The following ITGA9 variants were observed in gnomAD, a reference collection of about 807,000 sequenced individuals.
The protein encoded by ITGA9 is integrin subunit alpha 9, also known as integrin alpha-9.
In ITGA9, 56 loss-of-function variants were observed where a neutral mutation model predicts 127.8. That is an observed-to-expected ratio of 0.44 (90% CI 0.35 to 0.55). The LOEUF (loss-of-function observed/expected upper bound fraction) is 0.55, where lower values mean the gene tolerates loss of function less well. Ranked by LOEUF, ITGA9 falls within the 20% of genes least tolerant of loss-of-function variation. The pLI, the probability that ITGA9 is intolerant of heterozygous loss-of-function variation, is 0.00. For missense variants in ITGA9, 1,196 were observed against 1,347.1 expected (o/e 0.89, Z 1.76); for synonymous variants, 508 against 514.5 (o/e 0.99, Z 0.17).
At chr3:37,666,868 T>G (rs1158940818) in intron 17 of ITGA9, among the ~76,000 whole-genome samples, 1 of 152,172 alleles carries the variant, frequency 6.6e-6, no homozygotes, top group East Asian at 1.9e-4. Flanking sequence ...GAAACGTACC[T>G]CTTGGAATGA....
chr3:37,743,601 C>T (rs1242882424), intron 21 of ITGA9, among the ~76,000 whole-genome samples: 1 of 152,180 alleles, frequency 6.6e-6, no homozygotes, highest in Non-Finnish European at 1.5e-5. Flanking sequence ...ACCCATAAAA[C>T]ATTTTTCGAA....
chr3:37,768,604 C>T (rs1425612251), intron 23 of ITGA9, among the ~76,000 whole-genome samples: 1 of 151,988 alleles, frequency 6.6e-6, no homozygotes, highest in South Asian at 2.1e-4. Context: ...ACCCGGTTGC[C>T]GTCAGCTGCG....
intron 4 of ITGA9, among the ~76,000 whole-genome samples, chr3:37,489,950 G>C (rs1173583673): frequency 6.6e-6 from 1 of 152,204 alleles, no homozygotes; most frequent in Non-Finnish European, 1.5e-5. Context: ...TCTTATTCCT[G>C]TTGCAGGTAG....
chr3:37,708,976 C>G (rs187878980), intron 18 of ITGA9, among the ~76,000 whole-genome samples: 3 of 151,608 alleles, frequency 2.0e-5, no homozygotes, highest in Admixed American at 6.6e-5. Flanking sequence ...TGCTCCCATC[C>G]CAGCACCACT....
At chr3:37,679,323 C>T (rs1026310207) in intron 17 of ITGA9, among the ~76,000 whole-genome samples, 8 of 152,090 alleles carry the variant, frequency 5.3e-5, no homozygotes, top group African/African-American at 1.9e-4. Flanking sequence ...TATGCTTGAT[C>T]GTTTTACTAT....
chr3:37,622,705 C>T (rs926275361), intron 15 of ITGA9, among the ~76,000 whole-genome samples: 21 of 151,876 alleles, frequency 1.4e-4, no homozygotes, highest in Admixed American at 3.9e-4. Context: ...ATTAGCTGGG[C>T]GTGGTGGTGT....
intron 15 of ITGA9, among the ~76,000 whole-genome samples, chr3:37,551,654 C>T (rs978483617): frequency 6.6e-6 from 1 of 152,202 alleles, no homozygotes; most frequent in Non-Finnish European, 1.5e-5. Flanking sequence ...TTGGAGAATT[C>T]TCTGTTCCAA....
At chr3:37,628,411 T>C (rs1700197924) in intron 15 of ITGA9, among the ~76,000 whole-genome samples, 1 of 152,180 alleles carries the variant, frequency 6.6e-6, no homozygotes, top group African/African-American at 2.4e-5. Flanking sequence ...GCTCCAGGGC[T>C]GAACAGATGT....
Position 37,506,025 on chromosome 3 carries a change from C to T in ITGA9, c.768C>T (p.Phe256=), listed in dbSNP as rs1346117406. The T allele has an allele frequency of 6.2e-7, 1 of 1,609,450 alleles. No individual in the cohort carries two copies. Among genetic ancestry groups the T allele is most frequent in the Non-Finnish European group, 8.5e-7 (1 of 1,178,112 alleles). Residue 256 remains phenylalanine, a synonymous_variant, in exon 7 of 28, where the codon TTC becomes TTT. Transcript: ENST00000264741. ...YLGYAVTAGH[F]SHPSTIDVVG... ...GCTACGCAGTGACCGCTGGCCACTT[C>T]TCTCACCCGTCCACCATTGATGTGG...
intron 26 of ITGA9, among the ~76,000 whole-genome samples, chr3:37,787,623 C>G (rs2125555135): frequency 6.6e-6 from 1 of 151,306 alleles, no homozygotes; most frequent in African/African-American, 2.4e-5. Flanking sequence ...CTCAATTTTC[C>G]TGGCAGGAAA....
intron 15 of ITGA9, among the ~76,000 whole-genome samples, chr3:37,588,356 G>A (rs1010212267): frequency 7.8e-5 from 8 of 102,208 alleles, no homozygotes; most frequent in African/African-American, 1.1e-4. Flanking sequence ...ACTCCATCCC[G>A]CATGGCAATG....
chr3:37,699,524 A>C (rs1481146767), intron 18 of ITGA9, among the ~76,000 whole-genome samples: 3 of 152,160 alleles, frequency 2.0e-5, no homozygotes, highest in Non-Finnish European at 4.4e-5. Context: ...TCTTGGTCCA[A>C]GTCACCATCG....
intron 23 of ITGA9, among the ~76,000 whole-genome samples, chr3:37,752,781 CTT>C (rs1448279383): frequency 6.6e-6 from 1 of 152,230 alleles, no homozygotes; most frequent in Non-Finnish European, 1.5e-5. Context: ...ACCAAAGAGT[CTT>C]TTGTGTTTGC....
chr3:37,747,217 GTCA>G (rs1173127661), intron 22 of ITGA9, among the ~76,000 whole-genome samples: 3 of 152,038 alleles, frequency 2.0e-5, no homozygotes, highest in African/African-American at 4.8e-5. Flanking sequence ...TTGTGAACCT[GTCA>G]TCATCATCTA....
intron 23 of ITGA9, among the ~76,000 whole-genome samples, chr3:37,758,806 A>G (rs1696687599): frequency 6.6e-6 from 1 of 152,198 alleles, no homozygotes; most frequent in Admixed American, 6.5e-5. Context: ...AAAAAATCCA[A>G]GAGAATCAAC....
chr3:37,773,840 C>G (rs1446897536), intron 23 of ITGA9, among the ~76,000 whole-genome samples: 2 of 152,152 alleles, frequency 1.3e-5, no homozygotes, highest in Non-Finnish European at 2.9e-5. Flanking sequence ...AAGAAATAAT[C>G]AACTATCTGT....
intron 22 of ITGA9, among the ~76,000 whole-genome samples, chr3:37,746,688 A>G (rs1190364292): frequency 6.6e-6 from 1 of 152,150 alleles, no homozygotes; most frequent in Non-Finnish European, 1.5e-5. Flanking sequence ...TTCACTTCAA[A>G]TTAGTTATTT....
At chr3:37,671,072 A>G (rs1298768090) in intron 17 of ITGA9, among the ~76,000 whole-genome samples, 1 of 152,262 alleles carries the variant, frequency 6.6e-6, no homozygotes, top group African/African-American at 2.4e-5. Context: ...CAAGTCATAC[A>G]TCGCTGCACA....
At chr3:37,672,771 A>G (rs1700649370) in intron 17 of ITGA9, among the ~76,000 whole-genome samples, 1 of 152,202 alleles carries the variant, frequency 6.6e-6, no homozygotes, top group Non-Finnish European at 1.5e-5. Flanking sequence ...GGACAAGACT[A>G]GTAGTTGGAC....
Sources: allele counts gnomAD v4.1 joint callset (sites outside exome capture counted in the v4.1 genomes callset), GRCh38; gene constraint gnomAD v4.1.1; transcripts MANE v1.5; gene names NCBI Gene and HGNC (gene_info 2026-07-23, HGNC 2026-07-21).